The following EEFSEC variants were observed in gnomAD, a reference collection of about 807,000 sequenced individuals.
The protein encoded by EEFSEC is eukaryotic elongation factor, selenocysteine-tRNA specific.
Under a neutral mutation model 42.1 loss-of-function variants are expected in EEFSEC, and 43 were observed. The observed-to-expected ratio is 1.02, with a 90% confidence interval of 0.80 to 1.32. The LOEUF (loss-of-function observed/expected upper bound fraction) is 1.32. EEFSEC is among the 40% of genes most tolerant of loss of function. The probability of loss-of-function intolerance (pLI) is 0.00; values close to 1 mark genes in which losing one functional copy is unlikely to be tolerated. For synonymous variants in EEFSEC, 354 were observed against 339.1 expected (o/e 1.04, Z -0.48); for missense variants, 745 against 803.6 (o/e 0.93, Z 0.88).
intron 4 of EEFSEC, among the ~76,000 whole-genome samples, chr3:128,269,884 G>C (rs908978758): frequency 1.3e-5 from 2 of 152,266 alleles, no homozygotes; most frequent in Non-Finnish European, 2.9e-5. Context: ...GTTCAGGCTA[G>C]TGATGTTTCT....
chr3:128,201,908 T>A (rs2065647584), intron 1 of EEFSEC, among the ~76,000 whole-genome samples: 1 of 152,194 alleles, frequency 6.6e-6, no homozygotes, highest in South Asian at 2.1e-4. Context: ...CAAAGTAGAT[T>A]TTTTTCCGTA....
chr3:128,273,555 C>T (rs1359417618), intron 4 of EEFSEC, among the ~76,000 whole-genome samples: 2 of 152,224 alleles, frequency 1.3e-5, no homozygotes, highest in East Asian at 3.9e-4. Flanking sequence ...GAATCTGTTG[C>T]AGCTAGACGA....
chr3:128,371,511 C>G (rs974521086), intron 6 of EEFSEC, among the ~76,000 whole-genome samples: 1 of 152,196 alleles, frequency 6.6e-6, no homozygotes, highest in Non-Finnish European at 1.5e-5. Context: ...CAGTTGAGAA[C>G]CACTGGTCTA....
chr3:128,416,914 C>T, the EEFSEC span, among the ~76,000 whole-genome samples: 4 of 152,122 alleles, frequency 2.6e-5, no homozygotes, highest in African/African-American at 9.7e-5. Context: ...GCCACACATT[C>T]CCTCTGTTGC....
intron 5 of EEFSEC, among the ~76,000 whole-genome samples, chr3:128,353,443 T>G (rs1409694186): frequency 6.6e-6 from 1 of 152,100 alleles, no homozygotes; most frequent in Non-Finnish European, 1.5e-5. Context: ...GGCCAGGATC[T>G]GCCCTCTTTC....
intron 4 of EEFSEC, among the ~76,000 whole-genome samples, chr3:128,291,354 G>C (rs1204297184): frequency 1.3e-5 from 2 of 152,190 alleles, no homozygotes; most frequent in African/African-American, 4.8e-5. Flanking sequence ...CAACCTTTAA[G>C]AGATGTTTAG....
At chr3:128,401,380 C>T (rs1305071743) in intron 6 of EEFSEC, among the ~76,000 whole-genome samples, 1 of 152,260 alleles carries the variant, frequency 6.6e-6, no homozygotes, top group Non-Finnish European at 1.5e-5. Flanking sequence ...GTGTGCTAGG[C>T]CCTGCACACA....
At chr3:128,294,743 A>G (rs1171506660) in intron 4 of EEFSEC, among the ~76,000 whole-genome samples, 1 of 152,212 alleles carries the variant, frequency 6.6e-6, no homozygotes, top group Admixed American at 6.5e-5. Context: ...AGGTAAGGGG[A>G]GGGTATTCCC....
chr3:128,389,284 C>G (rs893685740), intron 6 of EEFSEC, among the ~76,000 whole-genome samples: 1 of 152,256 alleles, frequency 6.6e-6, no homozygotes, highest in East Asian at 1.9e-4. Flanking sequence ...GCCCACCACT[C>G]TGGCAGGCAT....
intron 1 of EEFSEC, among the ~76,000 whole-genome samples, chr3:128,182,895 GTGGT>G (rs2065426318): frequency 7.7e-6 from 1 of 129,900 alleles, no homozygotes; most frequent in Admixed American, 7.9e-5. Flanking sequence ...GGGGGGTGGG[GTGGT>G]TGGTCTAGTA....
At chr3:128,167,657 G>C (rs1469281982) in intron 1 of EEFSEC, among the ~76,000 whole-genome samples, 1 of 152,254 alleles carries the variant, frequency 6.6e-6, no homozygotes, top group Non-Finnish European at 1.5e-5. Flanking sequence ...CGGGAACACG[G>C]CGACCTCAGT....
chr3:128,243,006 G>A (rs2066087954), intron 1 of EEFSEC, among the ~76,000 whole-genome samples: 1 of 152,216 alleles, frequency 6.6e-6, no homozygotes, highest in Admixed American at 6.5e-5. Context: ...AGACGGGCCA[G>A]TTGTGTCACT....
chr3:128,368,340 G>A (rs2067613751), intron 6 of EEFSEC, among the ~76,000 whole-genome samples: 1 of 152,122 alleles, frequency 6.6e-6, no homozygotes, highest in African/African-American at 2.4e-5. Flanking sequence ...GGCTGAGGCA[G>A]GAGAATTGCT....
chr3:128,252,425 G>A (rs116153035), intron 2 of EEFSEC, among the ~76,000 whole-genome samples: 379 of 152,282 alleles, frequency 2.5e-3, no homozygotes, highest in Non-Finnish European at 3.9e-3. Context: ...AGCATTTCAC[G>A]TGGAGCCTGG....
chr3:128,363,399 G>T (rs978792687), intron 6 of EEFSEC, among the ~76,000 whole-genome samples: 1 of 152,210 alleles, frequency 6.6e-6, no homozygotes, highest in African/African-American at 2.4e-5. Context: ...CACTCTGCTC[G>T]AGACTCCCCA....
intron 4 of EEFSEC, among the ~76,000 whole-genome samples, chr3:128,333,751 C>T (rs60720080): frequency 0.015 from 2,262 of 152,266 alleles, 58 homozygotes; most frequent in African/African-American, 0.05. Flanking sequence ...GATGACTCCA[C>T]CTCAAACTGT....
chr3:128,219,124 G>A (rs145697228), intron 1 of EEFSEC, among the ~76,000 whole-genome samples: 173 of 152,268 alleles, frequency 1.1e-3, no homozygotes, highest in African/African-American at 3.8e-3. Context: ...ATGGCTGAGC[G>A]GACTCATTCA....
rs1576637615 is a variant in EEFSEC, at chr3:128,324,124, G to C, written c.787-17109G>C. ...TACTCTTTGGTCTGGGGCTGGGAGT[G>C]GGGTGAATGCTATCATGTGCCCCAG... On this transcript the variant is annotated intron_variant, in intron 4 of 6. Coordinates refer to ENST00000254730, the MANE Select transcript of EEFSEC (RefSeq NM_021937.5). Among the ~76,000 whole-genome samples the C allele has an allele frequency of 4.6e-5, 7 of 152,300 alleles. No homozygotes were observed. In the East Asian group the frequency reaches 7.7e-4, roughly 17 times the overall value.
At chr3:128,247,229 A>G (rs950491953) in intron 2 of EEFSEC, among the ~76,000 whole-genome samples, 186 bp downstream of exon 2, 2 of 152,218 alleles carry the variant, frequency 1.3e-5, no homozygotes, top group African/African-American at 2.4e-5. Context: ...TGTTTTTAAA[A>G]GAGGCCAAAA....
Sources: gnomAD v4.1 joint callset for allele counts (sites outside exome capture counted in the v4.1 genomes callset) on GRCh38, gnomAD v4.1.1 for gene constraint, MANE v1.5 for transcripts, NCBI Gene and HGNC (gene_info 2026-07-23, HGNC 2026-07-21) for gene names.